Variants in FGD5 observed in about 807,000 individuals in gnomAD.
The protein encoded by FGD5 is FYVE, RhoGEF and PH domain-containing protein 5.
Under a neutral mutation model 133.4 loss-of-function variants are expected in FGD5, and 28 were observed. The observed-to-expected ratio is 0.21, with a 90% CI of 0.16 to 0.29. The LOEUF (loss-of-function observed/expected upper bound fraction) is 0.29, where lower values mean the gene tolerates loss of function less well. Among genes scored for constraint, FGD5 ranks in the 10% least tolerant of loss-of-function variants. FGD5 has a pLI of 1.00. For missense variants in FGD5, 1,858 were observed against 1,895.2 expected, an observed-to-expected ratio of 0.98 and a Z score of 0.36; for synonymous variants, 810 against 776.5, an observed-to-expected ratio of 1.04 and a Z score of -0.72.
At chr3:14,874,599 T>G (rs1049928106) in intron 2 of FGD5, among the ~76,000 whole-genome samples, 3 of 152,126 alleles carry the variant, frequency 2.0e-5, no homozygotes, top group Non-Finnish European at 4.4e-5. Flanking sequence ...AAAGTTTCAG[T>G]GATATAGGAG....
intron 2 of FGD5, among the ~76,000 whole-genome samples, chr3:14,879,323 C>T (rs922387005): frequency 6.6e-6 from 1 of 152,258 alleles, no homozygotes; most frequent in African/African-American, 2.4e-5. Flanking sequence ...CAGGCCGCCA[C>T]AGCGTGTCTT....
intron 2 of FGD5, among the ~76,000 whole-genome samples, chr3:14,865,017 C>G (rs2037466777): frequency 6.6e-6 from 1 of 152,114 alleles, no homozygotes; most frequent in Admixed American, 6.5e-5. Flanking sequence ...AGGTGGCATC[C>G]CAGGAAGCAT....
At chr3:14,883,525 C>G (rs1349955786) in intron 4 of FGD5, among the ~76,000 whole-genome samples, 1 of 152,212 alleles carries the variant, frequency 6.6e-6, no homozygotes, top group African/African-American at 2.4e-5. Flanking sequence ...GATGTCTACC[C>G]ACCTATCCAA....
intron 1 of FGD5, among the ~76,000 whole-genome samples, chr3:14,843,286 G>A (rs1045715847): frequency 6.6e-6 from 1 of 152,190 alleles, no homozygotes; most frequent in Non-Finnish European, 1.5e-5. Context: ...CAGCATGAGA[G>A]CCCCCTGGGT....
Position 14,918,726 on chromosome 3 carries a change from CTGAAGGAGGCTGCTGT to C in FGD5, c.3490-25_3490-10del. 6.2e-7 allele frequency: 1 copy of C among 1,613,390 alleles called. No homozygotes were observed. Among genetic ancestry groups the C allele is most frequent in the Non-Finnish European group, 8.5e-7 (1 of 1,179,418 alleles). On this transcript the variant is annotated splice_polypyrimidine_tract_variant and intron_variant, in intron 12 of 19. Coordinates refer to ENST00000285046, the MANE Select transcript of FGD5 (RefSeq NM_152536.4). Reference sequence around the variant, plus strand: ...TACACTTGCCCCTCCCTGCCCCACCCTGAAGGAGGCTGCTGTTGGTTTTCCAGGTCAGCCGCCCTGT... The same window carrying C: ...TACACTTGCCCCTCCCTGCCCCACCCTGGTTTTCCAGGTCAGCCGCCCTGT...
intron 1 of FGD5, among the ~76,000 whole-genome samples, chr3:14,860,638 A>C (rs2125102101): frequency 6.6e-6 from 1 of 152,282 alleles, no homozygotes; most frequent in South Asian, 2.1e-4. Flanking sequence ...AACTTTAGTC[A>C]AACACGTTAT....
At chr3:14,898,905 G>T in intron 7 of FGD5, 79 bp downstream of exon 7, 2 of 1,306,130 alleles carry the variant, frequency 1.5e-6, no homozygotes, top group Non-Finnish European at 2.1e-6. Context: ...GGGGACTGTG[G>T]TGACCTTGCC....
intron 5 of FGD5, 31 bp from the exon 6 acceptor site, chr3:14,897,908 C>G (rs769475201): frequency 6.2e-7 from 1 of 1,613,444 alleles, no homozygotes; most frequent in East Asian, 2.2e-5. Context: ...AGGCTGAGTT[C>G]TCACTGTCCC....
rs574676977 is a variant in FGD5, at chr3:14,827,660, G to T, written c.2525+6064G>T. On this transcript the variant is annotated intron_variant, in intron 1 of 19. Coordinates refer to ENST00000285046, the MANE Select transcript of FGD5 (RefSeq NM_152536.4). ...TGCTGGCTGGTGGGTTTGTCGCTCT[G>T]TTGGCAACTCATCAATAAGACGAGC... 1.7e-4 allele frequency among the ~76,000 whole-genome samples: 26 copies of T among 152,272 alleles called. No individual in the cohort carries two copies. The South Asian group carries it at 5.4e-3, about 32-fold the overall frequency.
intron 4 of FGD5, 57 bp from the exon 5 acceptor site, chr3:14,897,452 G>T: frequency 1.0e-5 from 16 of 1,551,494 alleles, no homozygotes; most frequent in Non-Finnish European, 1.4e-5. Flanking sequence ...AATCTGCCAA[G>T]GAGGACTTGT....
upstream of FGD5, among the ~76,000 whole-genome samples, chr3:14,814,944 C>G (rs2087920): frequency 2.2e-3 from 335 of 152,220 alleles, 1 homozygote; most frequent in African/African-American, 7.3e-3. Flanking sequence ...CCCCTCAGCT[C>G]TCCCTTCCTG....
intron 1 of FGD5, among the ~76,000 whole-genome samples, chr3:14,859,433 C>T (rs1363857199): frequency 5.3e-5 from 8 of 152,048 alleles, no homozygotes; most frequent in Non-Finnish European, 8.8e-5. Flanking sequence ...TGGCTTGCAC[C>T]TGTAATCCCA....
At chr3:14,879,580 C>CA in intron 2 of FGD5, among the ~76,000 whole-genome samples, 1 of 152,354 alleles carries the variant, frequency 6.6e-6, no homozygotes, top group South Asian at 2.1e-4. Flanking sequence ...CTCACTCACT[C>CA]ACTCCTCACT....
rs1379314622 is a variant in FGD5 at position 14,819,411 on chromosome 3, A to G, written c.340A>G (p.Thr114Ala). The change falls in exon 1 of 20, where the codon ACA becomes GCA. Residue 114 changes from threonine to alanine, a missense_variant. Physicochemically the swap from Thr to Ala is moderately conservative, Grantham distance 58 (BLOSUM62 0). Coordinates refer to ENST00000285046, the MANE Select transcript of FGD5 (RefSeq NM_152536.4). The surrounding 1 kb of genome is among the most constrained non-coding windows in gnomAD (Gnocchi z 4.1). ...AGGCGAGGCATGTGGCCTGGAGGGTACAGGAGCTGGTGAGGATTCAGTGGC... is the reference window on the plus strand; with the variant it reads ...AGGCGAGGCATGTGGCCTGGAGGGTGCAGGAGCTGGTGAGGATTCAGTGGC... Reference protein sequence around the residue: ...EGGEACGLEGTGAGEDSVAPA... With the variant: ...EGGEACGLEGAGAGEDSVAPA... 6 of 1,550,146 alleles carry G rather than the reference A, an allele frequency of 3.9e-6. No individual in the cohort carries two copies. Among genetic ancestry groups the G allele is most frequent in the African/African-American group, 1.4e-5 (1 of 73,038 alleles).
chr3:14,929,132 AT>A (rs1408971333), intron 18 of FGD5, among the ~76,000 whole-genome samples: 2 of 152,134 alleles, frequency 1.3e-5, no homozygotes, highest in Admixed American at 1.3e-4. Flanking sequence ...TCCATTAACC[AT>A]GATGTTTTTG....
chr3:14,835,124 T>G (rs1353430624), intron 1 of FGD5, among the ~76,000 whole-genome samples: 2 of 152,126 alleles, frequency 1.3e-5, no homozygotes, highest in Non-Finnish European at 2.9e-5. Flanking sequence ...TGCCCCCGCC[T>G]TAGGAAATGG....
chr3:14,923,148 G>C lies in FGD5; in HGVS notation c.3910G>C (p.Gly1304Arg). 6.2e-7 allele frequency: 1 copy of C among 1,613,656 alleles called. No homozygotes were observed. Among genetic ancestry groups the C allele is most frequent in the Non-Finnish European group, 8.5e-7 (1 of 1,179,832 alleles). ...CTGCTTCGGGGAGCTGAAGAAGCGG[G>C]GCAGGGCTGTCCCGGGCCTGATGAG... Reference protein sequence around the residue: ...DGCFGELKKRGRAVPGLMRER... With the variant: ...DGCFGELKKRRRAVPGLMRER... Residue 1304 changes from glycine (G) to arginine (R), a missense_variant, in exon 16 of 20, where the codon GGC (glycine) becomes CGC (arginine). Transcript: ENST00000285046.
At chr3:14,836,245 C>A (rs1013796888) in intron 1 of FGD5, among the ~76,000 whole-genome samples, 7 of 152,322 alleles carry the variant, frequency 4.6e-5, no homozygotes, top group African/African-American at 1.7e-4. Context: ...AGAGATTGTT[C>A]TGGGCCACGC....
intron 10 of FGD5, among the ~76,000 whole-genome samples, chr3:14,908,608 C>A (rs894934542): frequency 6.6e-6 from 1 of 151,936 alleles, no homozygotes; most frequent in Non-Finnish European, 1.5e-5. Context: ...TTTATGGGGC[C>A]GGGTGTGGTG....
Sources: gnomAD v4.1 joint callset for allele counts (sites outside exome capture counted in the v4.1 genomes callset) on GRCh38, gnomAD v4.1.1 for gene constraint, Gnocchi (gnomAD v3.1) non-coding constraint, MANE v1.5 for transcripts, NCBI Gene and HGNC (gene_info 2026-07-23, HGNC 2026-07-21) for gene names.